MTIF2: variants seen among roughly 807,000 people sequenced by gnomAD.
MTIF2 encodes translation initiation factor IF-2, mitochondrial.
A neutral mutation model predicts 83.5 loss-of-function variants in MTIF2; 71 were observed. The ratio of observed to expected loss-of-function variants is 0.85; its 90% CI spans 0.70 to 1.04. The LOEUF (loss-of-function observed/expected upper bound fraction) is 1.04. MTIF2 is among the 50% of genes least tolerant of loss of function. The probability of loss-of-function intolerance (pLI) is 0.00; values close to 1 mark genes in which losing one functional copy is unlikely to be tolerated. For synonymous variants in MTIF2, 319 were observed against 287.1 expected (o/e 1.11, Z -1.12); for missense variants, 957 against 846.5 (o/e 1.13, Z -1.62).
chr2:55,244,554 C>A (rs1676557073), intron 10 of MTIF2, among the ~76,000 whole-genome samples: 1 of 152,110 alleles, frequency 6.6e-6, no homozygotes, highest in South Asian at 2.1e-4. Flanking sequence ...CATCAAAAGA[C>A]AAATGGACAT....
At position 55,249,554 on chromosome 2, in the gene MTIF2, A is replaced by G. The variant is rs1351628531; in HGVS notation, c.842-20T>C. 6.2e-7 allele frequency: 1 copy of G among 1,610,488 alleles called. No homozygotes were observed. Among genetic ancestry groups the G allele is most frequent in the Non-Finnish European group, 8.5e-7 (1 of 1,178,692 alleles). Reference sequence around the variant, plus strand: ...TAGGAACTGAAAGAAATGGAGTTAAAAAGAGTGAAAATGATGACACCTTCA... The same window carrying G: ...TAGGAACTGAAAGAAATGGAGTTAAGAAGAGTGAAAATGATGACACCTTCA... On this transcript the variant is annotated intron_variant, in intron 8 of 15. Transcript: ENST00000263629.
In MTIF2 at chr2:55,244,080, G is replaced by A; in HGVS notation, c.1260C>T (p.Gly420=). ...CTCCTGCAGAAGGAAGGTCTCTCCA[G>A]CCTGTAATTCCCACTGGCATGCTGG... is the stretch of plus-strand genomic sequence containing the variant. ...AYPSMPVGIT[G]WRDLPSAGEE... The change falls in exon 11 of 16, where the codon GGC becomes GGT. Residue 420 remains glycine (G), a synonymous_variant. Coordinates refer to ENST00000263629, the MANE Select transcript of MTIF2 (RefSeq NM_002453.3). The A allele has an allele frequency of 1.2e-6, 2 of 1,614,060 alleles. No individual in the cohort carries two copies. The highest frequency in any genetic ancestry group is 8.5e-7 in the Non-Finnish European group (1 of 1,180,014).
Position 55,243,453 on chromosome 2 carries a change from C to T in MTIF2, c.1527G>A (p.Arg509=). ...EQIPLKPKEK[R]ERDSNVLSVI... ...CAGAAAGTACATTTGAATCTCTTTC[C>T]CTTTTCTCTTTTGGCTTTAAGGGTA... Residue 509 remains arginine, a synonymous_variant, in exon 12 of 16, where the codon AGG becomes AGA. Transcript: ENST00000263629. 1 of 1,611,416 alleles carries T rather than the reference C, an allele frequency of 6.2e-7. No homozygotes were observed. The highest frequency in any genetic ancestry group is 8.5e-7 in the Non-Finnish European group (1 of 1,178,300).
At chr2:55,266,538 AATTTT>A (rs1438908641) in intron 3 of MTIF2, 2 of 149,486 alleles carry the variant, frequency 1.3e-5, no homozygotes, top group African/African-American at 4.9e-5. Context: ...AAAAAAAAAA[AATTTT>A]TTTTTAATGA....
chr2:55,255,382 T>C (rs1677429929), intron 5 of MTIF2, among the ~76,000 whole-genome samples: 1 of 147,098 alleles, frequency 6.8e-6, no homozygotes, highest in Non-Finnish European at 1.5e-5. Flanking sequence ...ACTATATATA[T>C]ATTTATATAT....
rs569868671 is a variant in MTIF2 at position 55,260,229 on chromosome 2, G to A, written c.331+2087C>T. On this transcript the variant is annotated intron_variant, in intron 5 of 15. Transcript: ENST00000263629. ...AGCCTGACCAACATGGAGAAACTCC[G>A]TCTCTACTAAAAATACAAAATTAGC... is the stretch of plus-strand genomic sequence containing the variant. 8.8e-4 allele frequency among the ~76,000 whole-genome samples: 133 copies of A among 151,892 alleles called. 1 individual carries two copies. The highest frequency in any genetic ancestry group is 3.0e-3 in the African/African-American group (124 of 41,446).
chr2:55,260,279 A>G (rs1174628367), intron 5 of MTIF2, among the ~76,000 whole-genome samples: 1 of 151,938 alleles, frequency 6.6e-6, no homozygotes, highest in Non-Finnish European at 1.5e-5. Flanking sequence ...CATGCCTGTA[A>G]TCCCAGCTAC....
intron 13 of MTIF2, among the ~76,000 whole-genome samples, chr2:55,240,765 A>T (rs1226709010): frequency 2.0e-5 from 3 of 152,254 alleles, no homozygotes; most frequent in Non-Finnish European, 4.4e-5. Context: ...CGTGTAAAGC[A>T]GTATGCTAAA....
rs1323831395 is a variant in MTIF2, at chr2:55,262,365, C to A, written c.282G>T (p.Trp94Cys). The A allele has an allele frequency of 5.6e-6, 9 of 1,613,616 alleles. No individual in the cohort carries two copies. Among genetic ancestry groups the A allele is most frequent in the East Asian group, 4.5e-5 (2 of 44,840 alleles). Reference protein sequence around the residue: ...STKSKKVVEVWIGMTIEELAR... With the variant: ...STKSKKVVEVCIGMTIEELAR... ...CCAGTTCCTCAATAGTCATTCCAATCCATACTTCTACCACCTTTTTAGATT... is the reference window on the plus strand; with the variant it reads ...CCAGTTCCTCAATAGTCATTCCAATACATACTTCTACCACCTTTTTAGATT... The change falls in exon 5 of 16, where the codon TGG (tryptophan) becomes TGT (cysteine). Residue 94 changes from tryptophan (W) to cysteine (C), a missense_variant. Physicochemically the swap from Trp to Cys is radical, Grantham distance 215 (BLOSUM62 -2). This residue lies in a region of MTIF2 where 733 missense variants were observed against 648.7 expected (regional missense o/e 1.13). Transcript: ENST00000263629.
intron 5 of MTIF2, among the ~76,000 whole-genome samples, chr2:55,260,364 C>T (rs979127781): frequency 5.4e-5 from 8 of 147,088 alleles, no homozygotes; most frequent in African/African-American, 1.0e-4. Flanking sequence ...AGTGCCATTG[C>T]ACTCTAGCCT....
At chr2:55,240,251 A>G in intron 13 of MTIF2, 76 bp from the exon 14 acceptor site, 11 of 1,314,254 alleles carry the variant, frequency 8.4e-6, no homozygotes, top group Non-Finnish European at 1.2e-5. Flanking sequence ...TCAAGCAGAA[A>G]CTTGAATCTA....
At chr2:55,238,799 T>C (rs1676085210) in intron 14 of MTIF2, among the ~76,000 whole-genome samples, 1 of 152,216 alleles carries the variant, frequency 6.6e-6, no homozygotes, top group South Asian at 2.1e-4. Flanking sequence ...TATTTGTTAG[T>C]GTTATCTGAC....
intron 7 of MTIF2, among the ~76,000 whole-genome samples, chr2:55,252,955 T>C (rs1212350146): frequency 3.3e-5 from 5 of 152,286 alleles, no homozygotes; most frequent in South Asian, 2.1e-4. Context: ...AACAGACCAA[T>C]TGTTGTACAG....
chr2:55,260,210 A>T (rs1031986822), intron 5 of MTIF2, among the ~76,000 whole-genome samples: 1 of 151,548 alleles, frequency 6.6e-6, no homozygotes, highest in Non-Finnish European at 1.5e-5. Flanking sequence ...GACCAGCCTG[A>T]CCAACATGGA....
intron 3 of MTIF2, among the ~76,000 whole-genome samples, chr2:55,266,205 A>T (rs1481004815): frequency 6.6e-6 from 1 of 152,176 alleles, no homozygotes; most frequent in African/African-American, 2.4e-5. Flanking sequence ...GCTATCTTGA[A>T]CAAAATTATA....
intron 13 of MTIF2, among the ~76,000 whole-genome samples, chr2:55,241,539 C>A (rs1362222809): frequency 2.0e-5 from 3 of 151,010 alleles, no homozygotes; most frequent in African/African-American, 7.3e-5. Context: ...CCTTGAAAGT[C>A]CTATCATTAA....
chr2:55,237,649 CTTTTTTTTT>C (rs536036933), intron 14 of MTIF2, among the ~76,000 whole-genome samples: 5 of 112,992 alleles, frequency 4.4e-5, no homozygotes, highest in African/African-American at 1.4e-4. Flanking sequence ...TTCTTTTTTT[CTTTTTTTTT>C]TTTTTTTTTT....
chr2:55,259,504 T>TAAA (rs5831347), intron 5 of MTIF2, among the ~76,000 whole-genome samples: 2 of 145,160 alleles, frequency 1.4e-5, no homozygotes, highest in Admixed American at 6.9e-5. Context: ...GGGTAATGTT[T>TAAA]AAAAAAAAAA....
At chr2:55,238,222 G>A (rs1417061161) in intron 14 of MTIF2, among the ~76,000 whole-genome samples, 1 of 151,300 alleles carries the variant, frequency 6.6e-6, no homozygotes, top group South Asian at 2.1e-4. Context: ...CTTTCTTGTT[G>A]TGGAGGCTGG....
Sources: allele counts gnomAD v4.1 joint callset (sites outside exome capture counted in the v4.1 genomes callset), GRCh38; gene constraint gnomAD v4.1.1; regional missense constraint gnomAD v4.1.1; transcripts MANE v1.5; gene names NCBI Gene and HGNC (gene_info 2026-07-23, HGNC 2026-07-21).